ZC3HAV1: variants seen among roughly 807,000 people sequenced by gnomAD.
ZC3HAV1 encodes zinc finger CCCH-type containing, antiviral 1, also known as zinc finger CCCH-type antiviral protein 1.
In ZC3HAV1, 41 loss-of-function variants were observed where a neutral mutation model predicts 86.6. The observed-to-expected ratio is 0.47, with a 90% CI of 0.37 to 0.61. The LOEUF is 0.61. Ranked by LOEUF, ZC3HAV1 falls within the 20% of genes least tolerant of loss-of-function variation. ZC3HAV1 has a pLI of 0.00. For missense variants in ZC3HAV1, 964 were observed against 1,141.1 expected, an observed-to-expected ratio of 0.84 and a Z score of 2.24; for synonymous variants, 421 against 432.1, an observed-to-expected ratio of 0.97 and a Z score of 0.32.
intron 5 of ZC3HAV1, among the ~76,000 whole-genome samples, chr7:139,076,854 T>G (rs1212957923): frequency 6.6e-5 from 10 of 150,884 alleles, no homozygotes; most frequent in African/African-American, 2.0e-4. Flanking sequence ...ATCACCCCAC[T>G]GCACTCCAGC....
intron 1 of ZC3HAV1, among the ~76,000 whole-genome samples, chr7:139,095,791 A>G (rs927355348): frequency 6.6e-6 from 1 of 152,200 alleles, no homozygotes; most frequent in African/African-American, 2.4e-5. Flanking sequence ...CTTGTTGCCC[A>G]TTAAAAACCA....
intron 1 of ZC3HAV1, among the ~76,000 whole-genome samples, chr7:139,105,872 A>C (rs371344255): frequency 6.6e-6 from 1 of 152,244 alleles, no homozygotes. Flanking sequence ...TTTTTAAAAC[A>C]TAAGTAGGGA....
chr7:139,079,091 T>C, intron 4 of ZC3HAV1: 1 of 1,535,818 alleles, frequency 6.5e-7, no homozygotes, highest in Non-Finnish European at 8.7e-7. Flanking sequence ...CCCTTTGTCC[T>C]TCAGTGACTT....
rs375243384 is a variant in ZC3HAV1 at position 139,073,917 on chromosome 7, G to A, written c.1811C>T (p.Thr604Ile). 2.0e-5 allele frequency: 33 copies of A among 1,613,944 alleles called. No individual in the cohort carries two copies. Among genetic ancestry groups the A allele is most frequent in the Non-Finnish European group, 2.5e-5 (30 of 1,179,944 alleles). ...CTTCCAATACCAAATCCATTTGGTG[G>A]TGAAGACAGAATTGGCTGGCTTGGT... ...SVTKPANSVF[T>I]TKWIWYWKNE... The change falls in exon 7 of 13, where the codon ACC becomes ATC. Residue 604 changes from threonine to isoleucine, a missense_variant. Thr to Ile is a moderately conservative substitution (Grantham distance 89). Transcript: ENST00000242351.
chr7:139,069,052 A>G (rs1341509697), intron 7 of ZC3HAV1, among the ~76,000 whole-genome samples: 2 of 152,186 alleles, frequency 1.3e-5, no homozygotes, highest in Admixed American at 6.5e-5. Context: ...TTGTAAGGAT[A>G]AGTCCTTTTT....
intron 1 of ZC3HAV1, among the ~76,000 whole-genome samples, chr7:139,097,422 A>ATTTTT (rs1563140647): frequency 6.3e-5 from 5 of 79,472 alleles, no homozygotes; most frequent in African/African-American, 1.6e-4. Flanking sequence ...ATATATATAT[A>ATTTTT]TATATATTTT....
At chr7:139,050,988 G>A (rs10245175) in intron 12 of ZC3HAV1, among the ~76,000 whole-genome samples, 72,264 of 152,024 alleles carry the variant, frequency 0.48, 17,394 homozygotes, top group South Asian at 0.55. Context: ...CTACAAGGCA[G>A]GGGAATCCTA....
At position 139,047,771 on chromosome 7, in the gene ZC3HAV1, T is replaced by C; in HGVS notation, c.2532A>G (p.Gln844=). ...CTTCAGTAAACTTTCCAACCAGAAC[T>C]TGGGCTACAAACATAACGACGTTTT... ...DAKNVVMFVA[Q]VLVGKFTEGN... is the part of the protein sequence containing the mutation. Residue 844 remains glutamine (Q), a synonymous_variant, in exon 13 of 13, where the codon CAA becomes CAG. Transcript: ENST00000242351. The C allele has an allele frequency of 6.2e-7, 1 of 1,614,160 alleles. No individual in the cohort carries two copies. Among genetic ancestry groups the C allele is most frequent in the African/African-American group, 1.3e-5 (1 of 75,046 alleles).
chr7:139,060,868 T>C (rs772263485), intron 9 of ZC3HAV1, 168 bp downstream of exon 9: 93 of 1,537,228 alleles, frequency 6.0e-5, no homozygotes, highest in Non-Finnish European at 7.6e-5. Context: ...AGTCACACCA[T>C]GCTGCTTAAC....
chr7:139,097,428 A>ATATATATTTTTTT, intron 1 of ZC3HAV1, among the ~76,000 whole-genome samples: 5 of 48,158 alleles, frequency 1.0e-4, no homozygotes, highest in African/African-American at 5.7e-4. Context: ...ATATATATAT[A>ATATATATTTTTTT]TTTTTTTTTT....
intron 7 of ZC3HAV1, among the ~76,000 whole-genome samples, chr7:139,067,696 A>G (rs904977429): frequency 3.9e-5 from 6 of 152,226 alleles, no homozygotes; most frequent in Non-Finnish European, 1.5e-5. Context: ...TAACAAAATT[A>G]CATTCGTACT....
chr7:139,107,669 G>A (rs1450676124), intron 1 of ZC3HAV1, among the ~76,000 whole-genome samples: 1 of 152,184 alleles, frequency 6.6e-6, no homozygotes, highest in Non-Finnish European at 1.5e-5. Flanking sequence ...CGGGTGCGAT[G>A]GTGCATGCCT....
At chr7:139,096,831 G>A (rs1250348115) in intron 1 of ZC3HAV1, among the ~76,000 whole-genome samples, 1 of 152,152 alleles carries the variant, frequency 6.6e-6, no homozygotes, top group Non-Finnish European at 1.5e-5. Context: ...TCTTTAGGGT[G>A]GTATTTAAAA....
chr7:139,079,314 G>A (rs2236424), intron 4 of ZC3HAV1, 156 bp downstream of exon 4: 341,889 of 1,542,152 alleles, frequency 0.22, 42,240 homozygotes, highest in Admixed American at 0.46. Context: ...CTTCCAGTAC[G>A]TAACATATCT....
chr7:139,073,706 G>C (rs1563130972), intron 7 of ZC3HAV1, 150 bp downstream of exon 7: 1 of 591,822 alleles, frequency 1.7e-6, no homozygotes, highest in Non-Finnish European at 2.5e-6. Context: ...GGCCAGGCTG[G>C]TCTCGAACTC....
intron 9 of ZC3HAV1, 43 bp from the exon 10 acceptor site, chr7:139,055,338 A>G: frequency 6.4e-7 from 1 of 1,550,488 alleles, no homozygotes; most frequent in Non-Finnish European, 8.9e-7. Context: ...TCTGCTCCAC[A>G]GGCCCAAGTG....
At chr7:139,049,348 A>AT (rs979687263) in intron 12 of ZC3HAV1, 4 of 151,966 alleles carry the variant, frequency 2.6e-5, no homozygotes, top group Non-Finnish European at 5.9e-5. Flanking sequence ...GATGTTGAGC[A>AT]TTTTTTCATG....
At chr7:139,073,723 T>G (rs554942032) in intron 7 of ZC3HAV1, 133 bp downstream of exon 7, 2 of 785,256 alleles carry the variant, frequency 2.5e-6, no homozygotes, top group Non-Finnish European at 3.6e-6. Flanking sequence ...ACTCCTGATC[T>G]CAGGTGATCC....
In ZC3HAV1 at chr7:139,108,911, G is replaced by A. The variant is rs945721681; in HGVS notation, c.308+113C>T. On this transcript the variant is annotated intron_variant, in intron 1 of 12. Coordinates refer to ENST00000242351, the MANE Select transcript of ZC3HAV1 (RefSeq NM_020119.4). The surrounding 1 kb of genome is among the most constrained non-coding windows in gnomAD (Gnocchi z 4.2). The stretch of plus-strand genomic sequence containing the variant: ...GAGAAGGGAGTGGCTGGAGGCGGAG[G>A]CTGTCAGGTGCGGGGTCCCGGCGAA... The A allele has an allele frequency of 2.3e-6, 3 of 1,327,746 alleles. No individual in the cohort carries two copies. The highest frequency in any genetic ancestry group is 2.6e-5 in the East Asian group (1 of 39,044). 82.2% of individuals were successfully genotyped at this position (1,327,746 alleles called of 1,614,324 possible).
Sources: gnomAD v4.1 joint callset for allele counts (sites outside exome capture counted in the v4.1 genomes callset) on GRCh38, gnomAD v4.1.1 for gene constraint, Gnocchi (gnomAD v3.1) non-coding constraint, MANE v1.5 for transcripts, NCBI Gene and HGNC (gene_info 2026-07-23, HGNC 2026-07-21) for gene names.